Variants in PLD5 observed in about 807,000 individuals in gnomAD.
PLD5 encodes phospholipase D family member 5, also known as inactive phospholipase D5.
A neutral mutation model predicts 61.1 loss-of-function variants in PLD5; 36 were observed. The observed-to-expected ratio is 0.59, with a 90% CI of 0.45 to 0.78. The LOEUF is 0.78. Among genes scored for constraint, PLD5 ranks in the 30% least tolerant of loss-of-function variants. The probability of loss-of-function intolerance (pLI) is 0.00; values close to 1 mark genes in which losing one functional copy is unlikely to be tolerated. For missense variants in PLD5, 515 were observed against 644.4 expected (o/e 0.80, Z 2.17); for synonymous variants, 243 against 242.8 (o/e 1.00, Z -0.01).
intron 1 of PLD5, among the ~76,000 whole-genome samples, chr1:242,356,601 T>C (rs1040654259): frequency 6.6e-5 from 10 of 152,000 alleles, no homozygotes; most frequent in Non-Finnish European, 1.3e-4. Flanking sequence ...CATTTTGTTG[T>C]TTTCTGGTTG....
intron 4 of PLD5, among the ~76,000 whole-genome samples, chr1:242,239,649 G>A (rs866564509): frequency 6.6e-6 from 1 of 152,156 alleles, no homozygotes; most frequent in South Asian, 2.1e-4. Flanking sequence ...GTGCCTGACT[G>A]CACAGCAGGT....
intron 1 of PLD5, among the ~76,000 whole-genome samples, chr1:242,482,965 A>T (rs889273135): frequency 1.3e-5 from 2 of 152,340 alleles, no homozygotes; most frequent in Non-Finnish European, 1.5e-5. Context: ...ACTAAGCTTC[A>T]TAAGTGAAGG....
At chr1:242,268,823 T>C (rs1673872394) in intron 3 of PLD5, among the ~76,000 whole-genome samples, 1 of 152,194 alleles carries the variant, frequency 6.6e-6, no homozygotes, top group Admixed American at 6.5e-5. Context: ...TAATGCTTTC[T>C]GAGTTACATT....
At chr1:242,530,222 AC>A in the PLD5 span, among the ~76,000 whole-genome samples, 2 of 152,046 alleles carry the variant, frequency 1.3e-5, no homozygotes, top group African/African-American at 4.8e-5. Context: ...AGAGTTAGAA[AC>A]CCTGGTTGTC....
intron 5 of PLD5, among the ~76,000 whole-genome samples, chr1:242,216,128 C>T (rs1007611926): frequency 3.3e-5 from 5 of 152,166 alleles, no homozygotes; most frequent in Non-Finnish European, 5.9e-5. Context: ...AAGAATGTTG[C>T]TAATTATACT....
intron 4 of PLD5, among the ~76,000 whole-genome samples, chr1:242,240,010 TTC>T (rs1422074044): frequency 6.6e-6 from 1 of 152,240 alleles, no homozygotes; most frequent in Non-Finnish European, 1.5e-5. Context: ...GAAAATTTTT[TTC>T]TGAGTGGCCC....
intron 1 of PLD5, among the ~76,000 whole-genome samples, chr1:242,411,523 C>T (rs1472831415): frequency 6.6e-6 from 1 of 152,216 alleles, no homozygotes; most frequent in Non-Finnish European, 1.5e-5. Flanking sequence ...GCATGAGCCA[C>T]CACACCTGGC....
chr1:242,397,573 T>C (rs755407422), intron 1 of PLD5, among the ~76,000 whole-genome samples: 2 of 152,062 alleles, frequency 1.3e-5, no homozygotes. Context: ...CGAGGATATG[T>C]TCTCTGTTTC....
chr1:242,340,813 G>C (rs569774245), intron 2 of PLD5, among the ~76,000 whole-genome samples: 1 of 152,158 alleles, frequency 6.6e-6, no homozygotes, highest in Non-Finnish European at 1.5e-5. Flanking sequence ...TCTGGAATAC[G>C]AAGAAATGAA....
chr1:242,398,588 G>A (rs1181581240), intron 1 of PLD5, among the ~76,000 whole-genome samples: 4 of 152,098 alleles, frequency 2.6e-5, no homozygotes, highest in African/African-American at 7.2e-5. Flanking sequence ...TAGATACCAC[G>A]GTTTAGTGGA....
intron 1 of PLD5, among the ~76,000 whole-genome samples, chr1:242,439,657 C>G (rs1666181229): frequency 6.6e-6 from 1 of 152,200 alleles, no homozygotes; most frequent in Admixed American, 6.5e-5. Context: ...AATGGCTGCT[C>G]TATCTGGCCA....
intron 6 of PLD5, among the ~76,000 whole-genome samples, chr1:242,118,678 T>G (rs1249806759): frequency 6.6e-6 from 1 of 152,230 alleles, no homozygotes; most frequent in Non-Finnish European, 1.5e-5. Context: ...AGCACTGACC[T>G]GCCTTATTGC....
intron 2 of PLD5, among the ~76,000 whole-genome samples, chr1:242,319,957 C>A (rs552366192): frequency 5.7e-4 from 87 of 152,334 alleles, no homozygotes; most frequent in Admixed American, 1.8e-3. Flanking sequence ...CTTTCTCTTT[C>A]CCCCAATACC....
chr1:242,395,178 A>G (rs990691050), intron 1 of PLD5, among the ~76,000 whole-genome samples: 3 of 151,286 alleles, frequency 2.0e-5, no homozygotes, highest in African/African-American at 7.3e-5. Context: ...AAAATGTACT[A>G]AAATGTGTTT....
intron 1 of PLD5, among the ~76,000 whole-genome samples, chr1:242,357,866 A>G (rs1213070211): frequency 2.0e-5 from 3 of 151,998 alleles, no homozygotes; most frequent in Non-Finnish European, 4.4e-5. Flanking sequence ...TGAAATGTGT[A>G]TTATGCACAG....
chr1:242,501,195 G>T (rs1425570015), intron 1 of PLD5, among the ~76,000 whole-genome samples: 1 of 152,064 alleles, frequency 6.6e-6, no homozygotes, highest in Non-Finnish European at 1.5e-5. Flanking sequence ...AGGATTACTA[G>T]AGAACTGAAG....
At chr1:242,463,114 T>A (rs893267947) in intron 1 of PLD5, among the ~76,000 whole-genome samples, 2 of 152,180 alleles carry the variant, frequency 1.3e-5, no homozygotes, top group Non-Finnish European at 2.9e-5. Flanking sequence ...GCTCATATCT[T>A]TTCCTCGCAC....
At chr1:242,282,964 G>A (rs2494889) in intron 3 of PLD5, among the ~76,000 whole-genome samples, 16 of 152,194 alleles carry the variant, frequency 1.1e-4, no homozygotes, top group Non-Finnish European at 1.6e-4. Context: ...TAAGGGCACC[G>A]TCCAGTTTCC....
intron 1 of PLD5, among the ~76,000 whole-genome samples, chr1:242,450,599 C>T (rs770811187): frequency 6.6e-6 from 1 of 152,110 alleles, no homozygotes; most frequent in Non-Finnish European, 1.5e-5. Flanking sequence ...TAACCTCCAG[C>T]AAAGCTAAAT....
Sources: allele counts gnomAD v4.1 joint callset (sites outside exome capture counted in the v4.1 genomes callset), GRCh38; gene constraint gnomAD v4.1.1; transcripts MANE v1.5; gene names NCBI Gene and HGNC (gene_info 2026-07-23, HGNC 2026-07-21).